PTPRD: variants seen among roughly 807,000 people sequenced by gnomAD.
PTPRD encodes protein tyrosine phosphatase receptor type D.
PTPRD carries 34 observed loss-of-function variants against 214.5 expected under a neutral mutation model. That is an observed-to-expected ratio of 0.16 (90% CI 0.12 to 0.21). PTPRD has a LOEUF of 0.21. Among genes scored for constraint, PTPRD ranks in the 10% least tolerant of loss-of-function variants. The pLI is 1.00. For missense variants in PTPRD, 2,545 were observed against 2,398.7 expected (o/e 1.06, Z -1.27); for synonymous variants, 1,128 against 845.7 (o/e 1.33, Z -5.79).
At chr9:8,971,297 T>C (rs1255350719) in intron 11 of PTPRD, among the ~76,000 whole-genome samples, 2 of 151,652 alleles carry the variant, frequency 1.3e-5, no homozygotes, top group South Asian at 2.1e-4. Context: ...GGCCAAGATA[T>C]AGACACATAT....
At chr9:9,132,318 G>A in intron 10 of PTPRD, among the ~76,000 whole-genome samples, 1 of 152,070 alleles carries the variant, frequency 6.6e-6, no homozygotes, top group East Asian at 1.9e-4. Context: ...CTGGCCACTA[G>A]TTTTGAAGGT....
intron 9 of PTPRD, among the ~76,000 whole-genome samples, chr9:9,273,051 A>G (rs1943570410): frequency 6.6e-6 from 1 of 151,372 alleles, no homozygotes; most frequent in African/African-American, 2.4e-5. Flanking sequence ...GGAGCAGGAA[A>G]TAACAGTAGC....
chr9:9,023,332 T>C (rs1042910782), intron 10 of PTPRD, among the ~76,000 whole-genome samples: 4 of 152,120 alleles, frequency 2.6e-5, no homozygotes, highest in African/African-American at 9.6e-5. Flanking sequence ...ATATCAACTC[T>C]TCATATATTG....
At chr9:9,442,278 C>G (rs1168804148) in intron 8 of PTPRD, 1 of 152,224 alleles carries the variant, frequency 6.6e-6, no homozygotes, top group East Asian at 1.9e-4. Context: ...GGTCAAAACT[C>G]CCGTGCTGAT....
At chr9:9,255,816 A>G (rs769784331) in intron 9 of PTPRD, among the ~76,000 whole-genome samples, 1 of 152,070 alleles carries the variant, frequency 6.6e-6, no homozygotes, top group Non-Finnish European at 1.5e-5. Context: ...TTATGACTGT[A>G]TACTTCATAC....
At chr9:10,081,718 G>A (rs1030785526) in intron 3 of PTPRD, among the ~76,000 whole-genome samples, 2 of 152,110 alleles carry the variant, frequency 1.3e-5, no homozygotes, top group Non-Finnish European at 2.9e-5. Context: ...AGACAGGGGT[G>A]TTATTATATT....
chr9:9,849,715 C>A (rs1340402826), intron 5 of PTPRD, among the ~76,000 whole-genome samples: 1 of 152,036 alleles, frequency 6.6e-6, no homozygotes, highest in African/African-American at 2.4e-5. Context: ...TGAATCAGTG[C>A]TAAGGAAATA....
intron 4 of PTPRD, among the ~76,000 whole-genome samples, chr9:10,023,245 T>G (rs1248018789): frequency 1.3e-5 from 2 of 152,128 alleles, no homozygotes; most frequent in African/African-American, 4.8e-5. Context: ...GTATAACCAA[T>G]CATTATAAAT....
intron 3 of PTPRD, among the ~76,000 whole-genome samples, chr9:10,259,325 G>A (rs1039858266): frequency 6.6e-6 from 1 of 152,044 alleles, no homozygotes; most frequent in Non-Finnish European, 1.5e-5. Flanking sequence ...CGCCCGGCCG[G>A]TATCTGTTTC....
intron 14 of PTPRD, among the ~76,000 whole-genome samples, chr9:8,597,724 G>A (rs2094550724): frequency 6.6e-6 from 1 of 152,044 alleles, no homozygotes; most frequent in Admixed American, 6.5e-5. Flanking sequence ...TGAACACTGT[G>A]AGCCCTAGAT....
chr9:8,519,271 A>G (rs2097846114), intron 20 of PTPRD, among the ~76,000 whole-genome samples: 1 of 152,192 alleles, frequency 6.6e-6, no homozygotes, highest in Non-Finnish European at 1.5e-5. Flanking sequence ...TACATGACAA[A>G]TATTTGCAAT....
At chr9:10,338,558 G>A (rs933899041) in intron 3 of PTPRD, among the ~76,000 whole-genome samples, 7 of 151,630 alleles carry the variant, frequency 4.6e-5, no homozygotes, top group Non-Finnish European at 5.9e-5. Flanking sequence ...TATAGATAAA[G>A]GTGTAGTGTT....
chr9:8,973,022 A>C (rs937323889), intron 11 of PTPRD, among the ~76,000 whole-genome samples: 3 of 151,348 alleles, frequency 2.0e-5, no homozygotes, highest in African/African-American at 7.3e-5. Flanking sequence ...AAAAAAAAAA[A>C]CACTTTCATA....
intron 7 of PTPRD, among the ~76,000 whole-genome samples, chr9:9,693,026 C>G (rs932897768): frequency 1.6e-4 from 24 of 151,958 alleles, no homozygotes; most frequent in African/African-American, 4.8e-4. Context: ...TTGGTAGAGT[C>G]TTTAGGATTC....
chr9:10,366,461 A>G (rs1390916097), intron 2 of PTPRD, among the ~76,000 whole-genome samples: 1 of 152,136 alleles, frequency 6.6e-6, no homozygotes, highest in African/African-American at 2.4e-5. Flanking sequence ...ACAGCCAAAA[A>G]CTGTGGAATG....
chr9:10,450,605 A>C (rs2130818152), intron 2 of PTPRD, among the ~76,000 whole-genome samples: 1 of 152,138 alleles, frequency 6.6e-6, no homozygotes, highest in East Asian at 1.9e-4. Context: ...TTAAGCTATT[A>C]TCCTTGAAAA....
intron 29 of PTPRD, among the ~76,000 whole-genome samples, chr9:8,484,969 T>C (rs1029236868): frequency 6.6e-6 from 1 of 152,176 alleles, no homozygotes; most frequent in African/African-American, 2.4e-5. Context: ...CTAGCTTAGA[T>C]GTAAAAAGTT....
chr9:9,564,856 C>G (rs2083946519), intron 8 of PTPRD, among the ~76,000 whole-genome samples: 1 of 130,010 alleles, frequency 7.7e-6, no homozygotes, highest in African/African-American at 2.8e-5. Flanking sequence ...GAAATGTAAG[C>G]TGAACAAAAG....
At chr9:10,300,906 C>T (rs958475170) in intron 3 of PTPRD, among the ~76,000 whole-genome samples, 4 of 152,066 alleles carry the variant, frequency 2.6e-5, no homozygotes, top group South Asian at 2.1e-4. Flanking sequence ...GCACAGTGTT[C>T]GAGCTCTGAT....
Sources: allele counts gnomAD v4.1 joint callset (sites outside exome capture counted in the v4.1 genomes callset), GRCh38; gene constraint gnomAD v4.1.1; transcripts MANE v1.5; gene names NCBI Gene and HGNC (gene_info 2026-07-23, HGNC 2026-07-21).